Variants in SUGCT observed in about 807,000 individuals in gnomAD.
SUGCT encodes the protein succinyl-CoA:glutarate CoA-transferase.
SUGCT carries 41 observed loss-of-function variants against 55.0 expected under a neutral mutation model. That is an observed-to-expected ratio of 0.74 (90% CI 0.58 to 0.97). The LOEUF (loss-of-function observed/expected upper bound fraction) is 0.97. SUGCT is among the 50% of genes least tolerant of loss of function. The pLI, the probability that SUGCT is intolerant of heterozygous loss-of-function variation, is 0.00. For synonymous variants in SUGCT, 187 were observed against 200.4 expected, an observed-to-expected ratio of 0.93 and a Z score of 0.56; for missense variants, 568 against 547.8, an observed-to-expected ratio of 1.04 and a Z score of -0.37.
intron 12 of SUGCT, among the ~76,000 whole-genome samples, chr7:40,726,525 G>C (rs913331374): frequency 3.9e-5 from 6 of 152,072 alleles, no homozygotes; most frequent in African/African-American, 1.4e-4. Context: ...GTTCAAACCT[G>C]TGTTGTCCAA....
the SUGCT span, among the ~76,000 whole-genome samples, chr7:40,996,904 A>G: frequency 6.6e-6 from 1 of 152,214 alleles, no homozygotes; most frequent in South Asian, 2.1e-4. Flanking sequence ...GGGATTTACA[A>G]AAACAATTGA....
At chr7:40,609,778 A>G (rs528661278) in intron 12 of SUGCT, among the ~76,000 whole-genome samples, 1 of 152,308 alleles carries the variant, frequency 6.6e-6, no homozygotes, top group African/African-American at 2.4e-5. Flanking sequence ...AATGCATTGG[A>G]GTAACAAATG....
chr7:40,161,668 T>G lies in SUGCT; in HGVS notation c.101-19279T>G, dbSNP rs368428282. Among the ~76,000 whole-genome samples, 59 of 152,292 alleles carry G rather than the reference T, an allele frequency of 3.9e-4. 1 individual carries two copies. The South Asian group carries it at 0.012, about 31-fold the overall frequency. On this transcript the variant is annotated intron_variant, in intron 1 of 13. Transcript: ENST00000335693. ...GATCTTTTGGGTTTGTGAGCATTCTTATATTGAATAGTAATTTGCAGTGAT... is the reference window on the plus strand; with the variant it reads ...GATCTTTTGGGTTTGTGAGCATTCTGATATTGAATAGTAATTTGCAGTGAT...
intron 7 of SUGCT, among the ~76,000 whole-genome samples, chr7:40,272,574 A>G (rs1251049190): frequency 6.6e-6 from 1 of 151,430 alleles, no homozygotes; most frequent in East Asian, 1.9e-4. Context: ...GAGTGCACAT[A>G]TCTCTTCGTG....
At chr7:40,226,405 A>C (rs1788354042) in intron 6 of SUGCT, among the ~76,000 whole-genome samples, 1 of 152,142 alleles carries the variant, frequency 6.6e-6, no homozygotes, top group Non-Finnish European at 1.5e-5. Context: ...ATGCTGTAAG[A>C]CTGTAAAACT....
At chr7:40,350,988 A>G (rs1489485782) in intron 9 of SUGCT, among the ~76,000 whole-genome samples, 1 of 152,012 alleles carries the variant, frequency 6.6e-6, no homozygotes, top group African/African-American at 2.4e-5. Context: ...TATGGCTGCA[A>G]AGTATTCCAT....
chr7:40,541,315 C>T (rs1366882653), intron 12 of SUGCT, among the ~76,000 whole-genome samples: 1 of 152,170 alleles, frequency 6.6e-6, no homozygotes, highest in African/African-American at 2.4e-5. Context: ...ACATGGACTG[C>T]TGTTGATATT....
intron 6 of SUGCT, among the ~76,000 whole-genome samples, chr7:40,216,270 G>A (rs1787631148): frequency 6.6e-6 from 1 of 152,012 alleles, no homozygotes; most frequent in Non-Finnish European, 1.5e-5. Context: ...GGGAGGCTGA[G>A]GCAGGCGGAT....
At chr7:40,464,518 G>A (rs1176658262) in intron 11 of SUGCT, among the ~76,000 whole-genome samples, 4 of 152,152 alleles carry the variant, frequency 2.6e-5, no homozygotes, top group Non-Finnish European at 4.4e-5. Flanking sequence ...ATGTACTTTT[G>A]TAGCATGAAA....
intron 12 of SUGCT, among the ~76,000 whole-genome samples, chr7:40,642,455 G>C (rs1265837448): frequency 1.3e-5 from 2 of 152,140 alleles, no homozygotes; most frequent in Admixed American, 6.6e-5. Context: ...AGAAGGAAGG[G>C]AATGGACAAG....
chr7:40,736,570 A>G (rs958058369), intron 12 of SUGCT, among the ~76,000 whole-genome samples: 3 of 151,908 alleles, frequency 2.0e-5, no homozygotes, highest in Non-Finnish European at 4.4e-5. Context: ...AGACATAGAG[A>G]TCTTTAAATC....
At chr7:40,588,881 G>T (rs953387516) in intron 12 of SUGCT, among the ~76,000 whole-genome samples, 2 of 152,006 alleles carry the variant, frequency 1.3e-5, no homozygotes, top group African/African-American at 4.8e-5. Context: ...TCTGTCATTT[G>T]CTTGCCATTT....
In SUGCT at chr7:40,693,338, C is replaced by T. The variant is rs557351986; in HGVS notation, c.1090-56096C>T. Among the ~76,000 whole-genome samples, 9 of 152,274 alleles carry T rather than the reference C, an allele frequency of 5.9e-5. No individual in the cohort carries two copies. The South Asian group carries it at 1.9e-3, about 32-fold the overall frequency. On this transcript the variant is annotated intron_variant, in intron 12 of 13. Transcript: ENST00000335693. ...GATGGATGGTACTTAACTCACAGGGCCTGTGTGCAGATGAGATGAGACCTA... is the reference window on the plus strand; with the variant it reads ...GATGGATGGTACTTAACTCACAGGGTCTGTGTGCAGATGAGATGAGACCTA...
chr7:40,226,501 G>A (rs1788364640), intron 6 of SUGCT, among the ~76,000 whole-genome samples: 1 of 151,808 alleles, frequency 6.6e-6, no homozygotes, highest in African/African-American at 2.4e-5. Context: ...AAAAACGCTA[G>A]AGAACTGGCT....
chr7:40,325,049 G>A (rs1187238935), intron 9 of SUGCT, among the ~76,000 whole-genome samples: 1 of 152,150 alleles, frequency 6.6e-6, no homozygotes, highest in Non-Finnish European at 1.5e-5. Context: ...TTCTGGTGGG[G>A]ACATTATACT....
At chr7:40,818,983 C>T (rs992988482) in intron 13 of SUGCT, among the ~76,000 whole-genome samples, 1 of 146,068 alleles carries the variant, frequency 6.8e-6, no homozygotes, top group African/African-American at 2.5e-5. Flanking sequence ...TGTTCACTTC[C>T]CACCTATGAG....
chr7:40,755,519 A>G (rs1196088046), intron 13 of SUGCT, among the ~76,000 whole-genome samples: 1 of 152,186 alleles, frequency 6.6e-6, no homozygotes, highest in African/African-American at 2.4e-5. Flanking sequence ...GCCAATTTCC[A>G]CCAAGCCATT....
intron 9 of SUGCT, among the ~76,000 whole-genome samples, chr7:40,331,848 A>G (rs1451352218): frequency 1.3e-5 from 2 of 152,224 alleles, no homozygotes; most frequent in East Asian, 3.8e-4. Context: ...GAGATTCTCA[A>G]TGAAAATTTC....
At chr7:40,899,095 T>G in the SUGCT span, among the ~76,000 whole-genome samples, 5 of 152,144 alleles carry the variant, frequency 3.3e-5, no homozygotes, top group Non-Finnish European at 5.9e-5. Flanking sequence ...AGGGTCCCAG[T>G]GGGAGAACCT....
Sources: gnomAD v4.1 joint callset for allele counts (sites outside exome capture counted in the v4.1 genomes callset) on GRCh38, gnomAD v4.1.1 for gene constraint, MANE v1.5 for transcripts, NCBI Gene and HGNC (gene_info 2026-07-23, HGNC 2026-07-21) for gene names.